FGD3: variants seen among roughly 807,000 people sequenced by gnomAD.
FGD3 encodes the protein FYVE, RhoGEF and PH domain containing 3, also known as FYVE, RhoGEF and PH domain-containing protein 3.
In FGD3, 45 loss-of-function variants were observed where a neutral mutation model predicts 71.8. The ratio of observed to expected loss-of-function variants is 0.63; its 90% CI spans 0.49 to 0.80. The LOEUF (loss-of-function observed/expected upper bound fraction) is 0.80, where lower values mean the gene tolerates loss of function less well. Among genes scored for constraint, FGD3 ranks in the 30% least tolerant of loss-of-function variants. The pLI, the probability that FGD3 is intolerant of heterozygous loss-of-function variation, is 0.00. For synonymous variants in FGD3, 378 were observed against 392.8 expected, an observed-to-expected ratio of 0.96 and a Z score of 0.44; for missense variants, 844 against 951.5, an observed-to-expected ratio of 0.89 and a Z score of 1.49.
intron 1 of FGD3, among the ~76,000 whole-genome samples, chr9:92,971,759 A>G (rs1859543399): frequency 6.6e-6 from 1 of 151,322 alleles, no homozygotes; most frequent in East Asian, 1.9e-4. Flanking sequence ...ATTTTTCTTG[A>G]TCAGCCCTGT....
At chr9:92,955,562 C>T (rs957995903) in intron 1 of FGD3, among the ~76,000 whole-genome samples, 1 of 152,162 alleles carries the variant, frequency 6.6e-6, no homozygotes, top group African/African-American at 2.4e-5. Flanking sequence ...TGTATAGACA[C>T]ATAAGAGATA....
At position 93,014,467 on chromosome 9, in the gene FGD3, C is replaced by T. The variant is rs543556803; in HGVS notation, c.1182+469C>T. Among the ~76,000 whole-genome samples the T allele has an allele frequency of 3.9e-5, 6 of 152,076 alleles. No homozygotes were observed. In the South Asian group the frequency reaches 1.0e-3, roughly 26 times the overall value. On this transcript the variant is annotated intron_variant, in intron 9 of 17. Transcript: ENST00000375482. ...AAACAGATGTGGTTCTTCTTTCCTC[C>T]TCCATTTTCCTCTAGCTTCTGATTC...
chr9:93,028,011 G>T (rs193275955), intron 14 of FGD3, among the ~76,000 whole-genome samples: 1 of 151,956 alleles, frequency 6.6e-6, no homozygotes. Flanking sequence ...GAGCCACTGC[G>T]CCTGGGCCTC....
chr9:92,962,133 C>T (rs548289451), intron 1 of FGD3, among the ~76,000 whole-genome samples: 5 of 152,334 alleles, frequency 3.3e-5, no homozygotes, highest in East Asian at 3.9e-4. Flanking sequence ...CAACCAGGGA[C>T]GACAGGACAC....
chr9:92,957,406 A>C (rs1859076992), intron 1 of FGD3, among the ~76,000 whole-genome samples: 1 of 152,170 alleles, frequency 6.6e-6, no homozygotes. Flanking sequence ...AGCGGTTCAG[A>C]TGGGGCTGTA....
chr9:92,965,589 G>T (rs1415217674), intron 1 of FGD3, among the ~76,000 whole-genome samples: 1 of 152,248 alleles, frequency 6.6e-6, no homozygotes, highest in African/African-American at 2.4e-5. Flanking sequence ...CAGTGTGCAA[G>T]ACCCCTTGGA....
rs563753324 is a variant in FGD3, at chr9:92,976,419, G to A, written c.163G>A (p.Gly55Ser). 2.0e-5 allele frequency: 33 copies of A among 1,611,714 alleles called. No individual in the cohort carries two copies. The highest frequency in any genetic ancestry group is 1.7e-4 in the Middle Eastern group (1 of 6,060). Residue 55 changes from glycine (G) to serine (S), a missense_variant, in exon 3 of 18, where the codon GGC becomes AGC. Transcript: ENST00000375482. ...TGTCAGCCTGGCTGCAGCAGGGGAC[G>A]GCTCTCCAGACATAGGCCCCACGGG... ...DPVSLAAAGD[G>S]SPDIGPTGEL...
rs117639572 is a variant in FGD3 at position 93,021,006 on chromosome 9, A to G, written c.1494+582A>G. Among the ~76,000 whole-genome samples the G allele has an allele frequency of 7.7e-3, 1,175 of 152,304 alleles. 6 individuals carry two copies. Among genetic ancestry groups the G allele is most frequent in the Non-Finnish European group, 0.013 (877 of 68,018 alleles). ...GTGCCTTCTGCACAGCATCCTACAC[A>G]CAAAGGTATGTTACATCATCCCCAC... On this transcript the variant is annotated intron_variant, in intron 13 of 17. Transcript: ENST00000375482.
At chr9:92,980,635 A>T (rs1208873868) in intron 3 of FGD3, among the ~76,000 whole-genome samples, 1 of 151,888 alleles carries the variant, frequency 6.6e-6, no homozygotes, top group Non-Finnish European at 1.5e-5. Flanking sequence ...TTCCATAAGT[A>T]TGATGATTTC....
In FGD3 at chr9:92,976,474, A is replaced by G; in HGVS notation, c.218A>G (p.Asn73Ser). 1 of 1,612,070 alleles carries G rather than the reference A, an allele frequency of 6.2e-7. No individual in the cohort carries two copies. The highest frequency in any genetic ancestry group is 8.5e-7 in the Non-Finnish European group (1 of 1,179,566). The change falls in exon 3 of 18, where the codon AAC (asparagine) becomes AGC (serine). Residue 73 changes from asparagine to serine, a missense_variant. Transcript: ENST00000375482. ...CTGAGTGGTAGCTTAAAGATCCCCA[A>G]CCGGGACAGCGGGATCGACAGTCCC... ...GELSGSLKIP[N>S]RDSGIDSPSS... is the part of the protein sequence containing the mutation.
chr9:92,966,034 C>T (rs1207023865), intron 1 of FGD3, among the ~76,000 whole-genome samples: 2 of 152,180 alleles, frequency 1.3e-5, no homozygotes, highest in African/African-American at 4.8e-5. Context: ...TGTCCCTAGG[C>T]GGGACGACCG....
intron 6 of FGD3, 39 bp downstream of exon 6, chr9:93,006,219 A>T: frequency 6.7e-7 from 1 of 1,488,922 alleles, no homozygotes; most frequent in Non-Finnish European, 9.0e-7. Flanking sequence ...AGATGTTCTC[A>T]AGATGCACAG....
chr9:92,962,822 T>G lies in FGD3; in HGVS notation c.-217-12416T>G, dbSNP rs1169864747. On this transcript the variant is annotated intron_variant, in intron 1 of 17. Coordinates refer to ENST00000375482, the MANE Select transcript of FGD3 (RefSeq NM_001083536.2). ...TGGGCATTGTGGTGGGCACCTATAA[T>G]CCCAGCTACTTGGAAGGATGAGGCA... Among the ~76,000 whole-genome samples, 17 of 150,736 alleles carry G rather than the reference T, an allele frequency of 1.1e-4. No individual in the cohort carries two copies. In the Admixed American group the frequency reaches 1.1e-3, roughly 10 times the overall value.
chr9:92,983,396 G>A lies in FGD3; in HGVS notation c.453+6687G>A, dbSNP rs186090543. ...AAAAATTAGCCAGGCGAGGTGGCGG[G>A]CACCTGTAGTCCCAGCTACTCGGGA... On this transcript the variant is annotated intron_variant, in intron 3 of 17. Transcript: ENST00000375482. 2.3e-3 allele frequency among the ~76,000 whole-genome samples: 347 copies of A among 150,534 alleles called. 6 individuals are homozygous for A. Among genetic ancestry groups the A allele is most frequent in the Non-Finnish European group, 1.1e-3 (75 of 67,528 alleles).
chr9:92,974,063 T>C (rs1465414344), intron 1 of FGD3, among the ~76,000 whole-genome samples: 1 of 152,242 alleles, frequency 6.6e-6, no homozygotes, highest in African/African-American at 2.4e-5. Context: ...CCGCTTGGTG[T>C]AGAGCCTTGC....
rs141001757 is a variant in FGD3 at position 93,001,345 on chromosome 9, A to G, written c.454-1580A>G. 7.0e-4 allele frequency among the ~76,000 whole-genome samples: 107 copies of G among 152,008 alleles called. 1 individual carries two copies. In the East Asian group the frequency reaches 0.018, roughly 26 times the overall value. On this transcript the variant is annotated intron_variant, in intron 3 of 17. Transcript: ENST00000375482. ...TATTTTGTTCCTTTGATTGGGCTAC[A>G]TTTTTCTGTTTCTTTGTAGCTAATT...
intron 9 of FGD3, among the ~76,000 whole-genome samples, chr9:93,014,929 G>A (rs1257312138): frequency 6.6e-6 from 1 of 152,048 alleles, no homozygotes; most frequent in East Asian, 1.9e-4. Flanking sequence ...CACCTCACCT[G>A]GCCAAGTTAC....
intron 3 of FGD3, among the ~76,000 whole-genome samples, chr9:92,999,532 C>A (rs962712946): frequency 1.3e-5 from 2 of 151,340 alleles, no homozygotes; most frequent in Non-Finnish European, 2.9e-5. Flanking sequence ...CCGTCTAATG[C>A]GTCGCTTATG....
intron 1 of FGD3, among the ~76,000 whole-genome samples, chr9:92,970,547 C>A (rs1484223482): frequency 1.3e-5 from 2 of 152,166 alleles, no homozygotes; most frequent in Non-Finnish European, 2.9e-5. Flanking sequence ...TAGTGATTGG[C>A]CAGCCACTGT....
Sources: allele counts gnomAD v4.1 joint callset (sites outside exome capture counted in the v4.1 genomes callset), GRCh38; gene constraint gnomAD v4.1.1; transcripts MANE v1.5; gene names NCBI Gene and HGNC (gene_info 2026-07-23, HGNC 2026-07-21).